The following ENTREP2 variants were observed in gnomAD, a reference collection of about 807,000 sequenced individuals.
ENTREP2 encodes protein ENTREP2.
chr15:29,544,323 CAG>C, the ENTREP2 span, among the ~76,000 whole-genome samples: 1 of 152,118 alleles, frequency 6.6e-6, no homozygotes, highest in Non-Finnish European at 1.5e-5. Flanking sequence ...GGAGGTATAA[CAG>C]TGGTTGCCAG....
At chr15:29,397,255 G>A in the ENTREP2 span, among the ~76,000 whole-genome samples, 1 of 152,106 alleles carries the variant, frequency 6.6e-6, no homozygotes, top group Non-Finnish European at 1.5e-5. Context: ...GCCAGACATG[G>A]TGGTATGTGC....
At chr15:29,431,483 A>G in the ENTREP2 span, among the ~76,000 whole-genome samples, 1 of 151,992 alleles carries the variant, frequency 6.6e-6, no homozygotes, top group Non-Finnish European at 1.5e-5. Flanking sequence ...ATATAATTTT[A>G]TAACTTGCCC....
chr15:29,570,029 C>G, the ENTREP2 span: 1 of 131,166 alleles, frequency 7.6e-6, no homozygotes. Context: ...CGGGAGGCGC[C>G]CCTCCCCCGC....
At chr15:29,268,946 T>A in the ENTREP2 span, 6 of 1,614,106 alleles carry the variant, frequency 3.7e-6, no homozygotes, top group Non-Finnish European at 8.5e-7. Context: ...TCCAGGTTGG[T>A]TCGCGGGCCC....
chr15:29,131,067 A>C, the ENTREP2 span, among the ~76,000 whole-genome samples: 1 of 152,188 alleles, frequency 6.6e-6, no homozygotes, highest in Non-Finnish European at 1.5e-5. Context: ...GCTTTTCAAC[A>C]AATAATTCAA....
chr15:29,341,834 T>C, the ENTREP2 span, among the ~76,000 whole-genome samples: 908 of 152,242 alleles, frequency 6.0e-3, 5 homozygotes, highest in Non-Finnish European at 1.0e-2. Flanking sequence ...AGGAGGCCCG[T>C]GGCGCTGGAC....
the ENTREP2 span, among the ~76,000 whole-genome samples, chr15:29,573,640 T>TC: frequency 2.0e-5 from 3 of 150,796 alleles, no homozygotes; most frequent in African/African-American, 4.9e-5. Context: ...TCTCTCTCTC[T>TC]CCCCCCCTCT....
At chr15:29,554,043 G>A in the ENTREP2 span, among the ~76,000 whole-genome samples, 5 of 152,140 alleles carry the variant, frequency 3.3e-5, no homozygotes, top group East Asian at 1.9e-4. Flanking sequence ...GGCCGTGCAC[G>A]GTGGCTCATG....
the ENTREP2 span, among the ~76,000 whole-genome samples, chr15:29,558,857 A>G: frequency 6.6e-6 from 1 of 150,910 alleles, no homozygotes; most frequent in East Asian, 2.0e-4. Flanking sequence ...TCTCTTCCCT[A>G]TGATTTTCTT....
chr15:29,211,558 T>A, the ENTREP2 span, among the ~76,000 whole-genome samples: 1 of 152,242 alleles, frequency 6.6e-6, no homozygotes, highest in Non-Finnish European at 1.5e-5. Flanking sequence ...CTTGTTCCAG[T>A]TCTCAGAGGG....
chr15:29,306,709 A>G, the ENTREP2 span, among the ~76,000 whole-genome samples: 4 of 57,864 alleles, frequency 6.9e-5, no homozygotes, highest in Non-Finnish European at 1.2e-4. Flanking sequence ...TTTTTTTTGG[A>G]GATAGAGTCT....
the ENTREP2 span, among the ~76,000 whole-genome samples, chr15:29,429,053 T>C: frequency 1.3e-5 from 2 of 152,240 alleles, no homozygotes; most frequent in Non-Finnish European, 2.9e-5. Flanking sequence ...ATGCCTGCAC[T>C]GTTAATTATC....
chr15:29,545,701 AC>A, the ENTREP2 span, among the ~76,000 whole-genome samples: 13 of 152,162 alleles, frequency 8.5e-5, no homozygotes, highest in African/African-American at 3.1e-4. Flanking sequence ...GCTGAAGGCC[AC>A]CCTTGTCTCT....
the ENTREP2 span, among the ~76,000 whole-genome samples, chr15:29,477,993 CTATATA>C: frequency 0.013 from 1,154 of 85,964 alleles, 27 homozygotes; most frequent in East Asian, 0.019. Context: ...TTAAATTTAA[CTATATA>C]TATATATATA....
At chr15:29,531,796 G>T in the ENTREP2 span, among the ~76,000 whole-genome samples, 6 of 152,138 alleles carry the variant, frequency 3.9e-5, no homozygotes, top group East Asian at 7.7e-4. Context: ...CTGGGGAGAA[G>T]CTGGGACTAA....
the ENTREP2 span, among the ~76,000 whole-genome samples, chr15:29,534,836 C>T: frequency 2.4e-4 from 36 of 152,022 alleles, no homozygotes; most frequent in African/African-American, 6.7e-4. Flanking sequence ...GTTCCCAGCA[C>T]AAAAAAAGGC....
At chr15:29,642,766 C>A in the ENTREP2 span, among the ~76,000 whole-genome samples, 1 of 151,908 alleles carries the variant, frequency 6.6e-6, no homozygotes, top group Non-Finnish European at 1.5e-5. Context: ...GCACACGCCA[C>A]GACACACGGC....
At chr15:29,400,338 A>G in the ENTREP2 span, among the ~76,000 whole-genome samples, 5 of 152,238 alleles carry the variant, frequency 3.3e-5, no homozygotes, top group Non-Finnish European at 7.3e-5. Flanking sequence ...GAATACACAG[A>G]TTTAATAAGA....
the ENTREP2 span, among the ~76,000 whole-genome samples, chr15:29,306,904 C>G: frequency 6.6e-6 from 1 of 150,458 alleles, no homozygotes; most frequent in Admixed American, 6.6e-5. Context: ...TGCCACCATG[C>G]CTGACTAATT....
Sources: allele counts gnomAD v4.1 joint callset (sites outside exome capture counted in the v4.1 genomes callset), GRCh38; gene constraint gnomAD v4.1.1; transcripts MANE v1.5; gene names NCBI Gene and HGNC (gene_info 2026-07-23, HGNC 2026-07-21).